SH3BP5: variants seen among roughly 807,000 people sequenced by gnomAD.
SH3BP5 encodes SH3 domain binding protein 5.
A neutral mutation model predicts 43.3 loss-of-function variants in SH3BP5; 22 were observed. The observed-to-expected ratio is 0.51, with a 90% confidence interval of 0.36 to 0.73. The LOEUF (loss-of-function observed/expected upper bound fraction) is 0.73. SH3BP5 is among the 30% of genes least tolerant of loss of function. SH3BP5 has a pLI of 0.00. For synonymous variants in SH3BP5, 255 were observed against 225.8 expected, an observed-to-expected ratio of 1.13 and a Z score of -1.16; for missense variants, 529 against 586.9, an observed-to-expected ratio of 0.90 and a Z score of 1.02.
At chr3:15,259,670 A>C in intron 6 of SH3BP5, 91 bp downstream of exon 6, 1 of 1,151,134 alleles carries the variant, frequency 8.7e-7, no homozygotes. Flanking sequence ...CCTTATAGCA[A>C]GTGGCCCATG....
intron 7 of SH3BP5, 49 bp from the exon 8 acceptor site, chr3:15,257,162 ACAC>A (rs1349980504): frequency 7.6e-6 from 12 of 1,585,576 alleles, no homozygotes; most frequent in East Asian, 2.2e-5. Flanking sequence ...ACCTCCTCAA[ACAC>A]CACAAGTGCT....
At chr3:15,262,327 G>T (rs777824355) in intron 4 of SH3BP5, 38 bp from the exon 5 acceptor site, 1 of 1,607,434 alleles carries the variant, frequency 6.2e-7, no homozygotes, top group East Asian at 2.2e-5. Flanking sequence ...GTCCAGCCCA[G>T]AACAGCCCAG....
At chr3:15,273,965 G>A (rs1050283074) in intron 3 of SH3BP5, among the ~76,000 whole-genome samples, 4 of 152,174 alleles carry the variant, frequency 2.6e-5, no homozygotes, top group South Asian at 2.1e-4. Flanking sequence ...CCTATGGGCC[G>A]GGCATGGTGG....
At chr3:15,279,417 T>C (rs1284025327) in intron 3 of SH3BP5, among the ~76,000 whole-genome samples, 1 of 152,208 alleles carries the variant, frequency 6.6e-6, no homozygotes, top group Non-Finnish European at 1.5e-5. Flanking sequence ...ATAGACAGAC[T>C]ACAGAGCCCT....
At chr3:15,259,632 C>T in intron 6 of SH3BP5, 129 bp downstream of exon 6, 1 of 918,742 alleles carries the variant, frequency 1.1e-6, no homozygotes, top group South Asian at 1.3e-5. Flanking sequence ...GGTCTGAAAA[C>T]TCAGTAAAGC....
At chr3:15,309,239 G>A (rs770946307) in intron 2 of SH3BP5, among the ~76,000 whole-genome samples, 11 of 152,160 alleles carry the variant, frequency 7.2e-5, no homozygotes, top group Non-Finnish European at 1.5e-4. Flanking sequence ...ACTGGCTAGG[G>A]GAGAAAAAAA....
At chr3:15,260,863 ACTCTT>A (rs1696411192) in intron 5 of SH3BP5, among the ~76,000 whole-genome samples, 1 of 151,966 alleles carries the variant, frequency 6.6e-6, no homozygotes, top group Non-Finnish European at 1.5e-5. Flanking sequence ...CTATCCCTGT[ACTCTT>A]CTCGGAGTCT....
intron 3 of SH3BP5, among the ~76,000 whole-genome samples, chr3:15,296,877 A>AAG (rs1697591465): frequency 6.6e-6 from 1 of 150,440 alleles, no homozygotes; most frequent in African/African-American, 2.5e-5. Flanking sequence ...AAAAAAAAAA[A>AAG]AAAGAAATGG....
Position 15,255,347 on chromosome 3 carries a change from T to G in SH3BP5, c.*739A>C, listed in dbSNP as rs1055740430. 4.6e-5 allele frequency: 7 copies of G among 152,662 alleles called. No homozygotes were observed. The highest frequency in any genetic ancestry group is 2.6e-4 in the Admixed American group (4 of 15,290). The allele number at this position is 152,662 out of a possible 1,614,324, so 9.5% of individuals were successfully genotyped here. Reference sequence around the variant, plus strand: ...GAATAAATCCCCTTGGCTGGCAGGATAAGGCTTATGCTGTAGAACCTTCTC... The same window carrying G: ...GAATAAATCCCCTTGGCTGGCAGGAGAAGGCTTATGCTGTAGAACCTTCTC... On this transcript the variant is annotated 3_prime_UTR_variant, in exon 9 of 9. Transcript: ENST00000383791.
chr3:15,306,316 G>A (rs553499478), intron 2 of SH3BP5, among the ~76,000 whole-genome samples: 7 of 152,186 alleles, frequency 4.6e-5, no homozygotes, highest in East Asian at 1.9e-4. Context: ...CTAAGATCGC[G>A]CCACTGCACT....
chr3:15,297,591 T>A lies in SH3BP5; in HGVS notation c.330+6512A>T, dbSNP rs559644975. 4.6e-5 allele frequency among the ~76,000 whole-genome samples: 7 copies of A among 152,338 alleles called. No homozygotes were observed. The South Asian group carries it at 1.4e-3, about 32-fold the overall frequency. ...TCGTTCCCAATTCTTGAATTTGGAC[T>A]GGCCCCATGACTGACTTTAGCCCGT... On this transcript the variant is annotated intron_variant, in intron 3 of 8. Transcript: ENST00000383791.
In SH3BP5 at chr3:15,273,897, A is replaced by G. The variant is rs559357360; in HGVS notation, c.331-4020T>C. Among the ~76,000 whole-genome samples the G allele has an allele frequency of 1.3e-4, 20 of 152,320 alleles. No homozygotes were observed. The East Asian group carries it at 2.9e-3, about 22-fold the overall frequency. ...CCCTAATCCCTAATGTGATTATATTAGGAAGTGGGGCCTTTGGGAGCCATA... is the reference window on the plus strand; with the variant it reads ...CCCTAATCCCTAATGTGATTATATTGGGAAGTGGGGCCTTTGGGAGCCATA... On this transcript the variant is annotated intron_variant, in intron 3 of 8. Coordinates refer to ENST00000383791, the MANE Select transcript of SH3BP5 (RefSeq NM_004844.5).
intron 1 of SH3BP5, 85 bp downstream of exon 1, chr3:15,332,186 G>A (rs1698628746): frequency 2.0e-6 from 3 of 1,533,984 alleles, no homozygotes; most frequent in Middle Eastern, 1.7e-4. Flanking sequence ...GTTACTGGGG[G>A]CTGCGAAGTG....
intron 2 of SH3BP5, among the ~76,000 whole-genome samples, chr3:15,307,797 C>T (rs1697951605): frequency 6.6e-6 from 1 of 152,240 alleles, no homozygotes; most frequent in Non-Finnish European, 1.5e-5. Context: ...CTGGTGGTGG[C>T]CAGTGCCAGT....
At chr3:15,318,155 A>C (rs1698228725) in intron 2 of SH3BP5, among the ~76,000 whole-genome samples, 1 of 152,230 alleles carries the variant, frequency 6.6e-6, no homozygotes, top group African/African-American at 2.4e-5. Flanking sequence ...AAACTATAGT[A>C]GCCACTTAGC....
intron 2 of SH3BP5, among the ~76,000 whole-genome samples, chr3:15,309,155 TCA>T (rs1697986333): frequency 6.6e-6 from 1 of 152,074 alleles, no homozygotes; most frequent in Non-Finnish European, 1.5e-5. Flanking sequence ...CAAGAAGTAG[TCA>T]CACAATACAT....
At chr3:15,277,402 G>A (rs570061110) in intron 3 of SH3BP5, among the ~76,000 whole-genome samples, 1 of 152,322 alleles carries the variant, frequency 6.6e-6, no homozygotes, top group East Asian at 1.9e-4. Flanking sequence ...ACACAGGTCG[G>A]GATGGGCAGG....
intron 3 of SH3BP5, among the ~76,000 whole-genome samples, chr3:15,294,179 A>G (rs1275116345): frequency 6.6e-6 from 1 of 151,912 alleles, no homozygotes; most frequent in Non-Finnish European, 1.5e-5. Context: ...TACATAAAAG[A>G]CCTATGACCA....
At chr3:15,274,301 A>G (rs1381517844) in intron 3 of SH3BP5, among the ~76,000 whole-genome samples, 1 of 152,036 alleles carries the variant, frequency 6.6e-6, no homozygotes, top group Non-Finnish European at 1.5e-5. Flanking sequence ...CGTAATTTAT[A>G]AAGAAAAGAG....
Sources: gnomAD v4.1 joint callset for allele counts (sites outside exome capture counted in the v4.1 genomes callset) on GRCh38, gnomAD v4.1.1 for gene constraint, MANE v1.5 for transcripts, NCBI Gene and HGNC (gene_info 2026-07-23, HGNC 2026-07-21) for gene names.